Variants in FARP1 observed in about 807,000 individuals in gnomAD.
FARP1 encodes the protein FERM, ARHGEF and pleckstrin domain-containing protein 1.
A neutral mutation model predicts 128.8 loss-of-function variants in FARP1; 52 were observed. The observed-to-expected ratio is 0.40, with a 90% CI of 0.32 to 0.51. The LOEUF (loss-of-function observed/expected upper bound fraction) is 0.51. FARP1 is among the 20% of genes least tolerant of loss of function. The probability of loss-of-function intolerance (pLI) is 0.45; values close to 1 mark genes in which losing one functional copy is unlikely to be tolerated. For synonymous variants in FARP1, 580 were observed against 551.8 expected, an observed-to-expected ratio of 1.05 and a Z score of -0.72; for missense variants, 1,333 against 1,367.9, an observed-to-expected ratio of 0.97 and a Z score of 0.40.
intron 2 of FARP1, among the ~76,000 whole-genome samples, chr13:98,315,211 G>A (rs1323304682): frequency 2.0e-5 from 3 of 152,124 alleles, no homozygotes; most frequent in African/African-American, 4.8e-5. Context: ...GCTCACTGCA[G>A]CCACAGTACA....
intron 2 of FARP1, among the ~76,000 whole-genome samples, chr13:98,309,785 T>G (rs1338061260): frequency 6.6e-6 from 1 of 152,186 alleles, no homozygotes; most frequent in Non-Finnish European, 1.5e-5. Context: ...CAACAGCCCC[T>G]TACCCCAAAC....
chr13:98,325,662 A>G (rs1344806333), intron 2 of FARP1, among the ~76,000 whole-genome samples: 2 of 152,254 alleles, frequency 1.3e-5, no homozygotes, highest in Non-Finnish European at 2.9e-5. Context: ...GCATTGAGAA[A>G]TCAGAGAGGC....
intron 3 of FARP1, among the ~76,000 whole-genome samples, chr13:98,351,804 C>T (rs932866378): frequency 6.6e-6 from 1 of 151,844 alleles, no homozygotes; most frequent in African/African-American, 2.4e-5. Context: ...GCCGGATCGC[C>T]CATGGACTCT....
intron 2 of FARP1, among the ~76,000 whole-genome samples, chr13:98,330,164 C>T (rs1296876108): frequency 3.9e-5 from 6 of 152,110 alleles, no homozygotes; most frequent in African/African-American, 1.4e-4. Flanking sequence ...TGCTAGAGAA[C>T]AGCTGGCCTG....
intron 13 of FARP1, chr13:98,396,013 T>G (rs1040070238): frequency 2.5e-6 from 1 of 399,046 alleles, no homozygotes; most frequent in Non-Finnish European, 4.4e-6. Flanking sequence ...TTATGAACGC[T>G]GGTCCCCCAC....
At chr13:98,156,801 C>A (rs150943660) in intron 1 of FARP1, among the ~76,000 whole-genome samples, 2,979 of 152,302 alleles carry the variant, frequency 0.02, 41 homozygotes, top group Non-Finnish European at 0.032. Flanking sequence ...TCAAGCAATC[C>A]TCCTGCCTTG....
intron 7 of FARP1, 46 bp downstream of exon 7, chr13:98,384,890 C>T (rs369366335): frequency 8.4e-7 from 1 of 1,185,458 alleles, no homozygotes; most frequent in Non-Finnish European, 1.3e-6. Context: ...CCGGTTCTCT[C>T]TGCCTCCAAC....
At chr13:98,321,631 C>T (rs894871478) in intron 2 of FARP1, among the ~76,000 whole-genome samples, 18 of 152,172 alleles carry the variant, frequency 1.2e-4, no homozygotes, top group African/African-American at 3.4e-4. Context: ...ACAGAAGGCT[C>T]TGTGACAAAT....
chr13:98,197,691 G>C (rs777319195), intron 1 of FARP1, among the ~76,000 whole-genome samples: 14 of 151,540 alleles, frequency 9.2e-5, no homozygotes, highest in Non-Finnish European at 1.9e-4. Context: ...CTGGAGTGCA[G>C]TGGCGCGATC....
chr13:98,433,710 C>CT (rs1892137454), intron 18 of FARP1: 1 of 152,512 alleles, frequency 6.6e-6, no homozygotes, highest in African/African-American at 2.4e-5. Flanking sequence ...GACCCAGTCT[C>CT]TAAAAACAAA....
intron 13 of FARP1, chr13:98,407,333 TTC>T (rs1224791673): frequency 1.3e-5 from 1 of 79,878 alleles, no homozygotes; most frequent in African/African-American, 4.7e-5. Context: ...GATAACATTT[TTC>T]TTTTTGTGAT....
At chr13:98,406,149 C>T (rs1890963124) in intron 13 of FARP1, 1 of 152,216 alleles carries the variant, frequency 6.6e-6, no homozygotes, top group African/African-American at 2.4e-5. Flanking sequence ...GTCACACACC[C>T]TGGCTCAAAG....
At chr13:98,318,950 G>GTTTTTTTTTTTTTTTTTTTGT (rs1886867450) in intron 2 of FARP1, among the ~76,000 whole-genome samples, 1 of 120,684 alleles carries the variant, frequency 8.3e-6, no homozygotes, top group Non-Finnish European at 1.6e-5. Context: ...GTTTTTTCTT[G>GTTTTTTTTTTTTTTTTTTTGT]TTTTTTTTTT....
intron 2 of FARP1, among the ~76,000 whole-genome samples, chr13:98,241,841 C>T (rs1474861893): frequency 6.6e-6 from 1 of 152,106 alleles, no homozygotes; most frequent in East Asian, 1.9e-4. Context: ...ATCGCTTGAA[C>T]CCAGGAGGTG....
intron 1 of FARP1, among the ~76,000 whole-genome samples, chr13:98,206,689 T>C (rs576224054): frequency 1.3e-5 from 2 of 152,328 alleles, no homozygotes; most frequent in East Asian, 3.9e-4. Flanking sequence ...GTCAGGATAC[T>C]AAGACAAGAC....
At chr13:98,189,367 A>G (rs1879083194) in intron 1 of FARP1, among the ~76,000 whole-genome samples, 1 of 151,688 alleles carries the variant, frequency 6.6e-6, no homozygotes, top group South Asian at 2.1e-4. Flanking sequence ...TTCTTTGTCT[A>G]CCTAAATTAC....
intron 13 of FARP1, chr13:98,400,358 G>A (rs1283771332): frequency 6.6e-6 from 1 of 152,248 alleles, no homozygotes; most frequent in Non-Finnish European, 1.5e-5. Flanking sequence ...AAGAAACAAT[G>A]TAAATATTAA....
In FARP1 at chr13:98,450,444, G is replaced by C. The variant is rs1893133942; in HGVS notation, c.*2127G>C. ...AGAGCAATGCAGGGATAAAACTATTGGATAAGGAAGGCAGATGCACTTCCA... is the reference window on the plus strand; with the variant it reads ...AGAGCAATGCAGGGATAAAACTATTCGATAAGGAAGGCAGATGCACTTCCA... On this transcript the variant is annotated 3_prime_UTR_variant, in exon 27 of 27. Transcript: ENST00000319562. 6.6e-6 allele frequency: 1 copy of C among 152,234 alleles called. No individual in the cohort carries two copies. The highest frequency in any genetic ancestry group is 1.5e-5 in the Non-Finnish European group (1 of 68,066). The allele number at this position is 152,234 out of a possible 1,614,324, so 9.4% of individuals were successfully genotyped here. A position where few individuals can be genotyped will look rare whatever the true frequency, so the allele number is the denominator to read the frequency against.
intron 1 of FARP1, among the ~76,000 whole-genome samples, chr13:98,157,202 A>T (rs1206229522): frequency 6.6e-6 from 1 of 152,190 alleles, no homozygotes; most frequent in African/African-American, 2.4e-5. Flanking sequence ...TAAAGTGATC[A>T]TTGTGTGAGA....
Sources: allele counts gnomAD v4.1 joint callset (sites outside exome capture counted in the v4.1 genomes callset), GRCh38; gene constraint gnomAD v4.1.1; transcripts MANE v1.5; gene names NCBI Gene and HGNC (gene_info 2026-07-23, HGNC 2026-07-21).